Variants in RPS6KA2 observed in about 807,000 individuals in gnomAD.
RPS6KA2 encodes the protein ribosomal protein S6 kinase A2, also known as ribosomal protein S6 kinase alpha-2.
RPS6KA2 carries 42 observed loss-of-function variants against 91.8 expected under a neutral mutation model. The observed-to-expected ratio is 0.46, with a 90% CI of 0.36 to 0.59. The LOEUF (loss-of-function observed/expected upper bound fraction) is 0.59. Among genes scored for constraint, RPS6KA2 ranks in the 20% least tolerant of loss-of-function variants. The pLI is 0.00. For synonymous variants in RPS6KA2, 414 were observed against 393.6 expected (o/e 1.05, Z -0.61); for missense variants, 798 against 978.5 (o/e 0.82, Z 2.46).
intron 16 of RPS6KA2, among the ~76,000 whole-genome samples, chr6:166,425,143 T>C (rs1218369971): frequency 6.6e-6 from 1 of 152,228 alleles, no homozygotes; most frequent in Non-Finnish European, 1.5e-5. Context: ...TGTTCCTAAC[T>C]AGCCCTCATC....
chr6:166,735,042 A>G (rs1390639833), intron 2 of RPS6KA2, among the ~76,000 whole-genome samples: 1 of 152,230 alleles, frequency 6.6e-6, no homozygotes, highest in African/African-American at 2.4e-5. Context: ...TCTGAATTAT[A>G]TCATTCACAA....
At chr6:166,730,900 G>A (rs1341161242) in intron 2 of RPS6KA2, among the ~76,000 whole-genome samples, 1 of 152,116 alleles carries the variant, frequency 6.6e-6, no homozygotes, top group African/African-American at 2.4e-5. Flanking sequence ...TTTGTTAGGT[G>A]CAGGAAAGGC....
At chr6:166,684,570 T>C (rs1788948064) in intron 2 of RPS6KA2, among the ~76,000 whole-genome samples, 1 of 152,144 alleles carries the variant, frequency 6.6e-6, no homozygotes, top group South Asian at 2.1e-4. Flanking sequence ...GGCTCACCTG[T>C]CCTGCATCAC....
At chr6:166,707,291 G>A (rs1280319087) in intron 2 of RPS6KA2, among the ~76,000 whole-genome samples, 1 of 152,240 alleles carries the variant, frequency 6.6e-6, no homozygotes, top group African/African-American at 2.4e-5. Flanking sequence ...CCGGGTTAGA[G>A]CACAGTTCCG....
At chr6:166,436,016 A>G (rs1779288308) in intron 14 of RPS6KA2, among the ~76,000 whole-genome samples, 1 of 152,210 alleles carries the variant, frequency 6.6e-6, no homozygotes, top group South Asian at 2.1e-4. Flanking sequence ...ACTAGAAAAC[A>G]CCAGGCACTC....
intron 2 of RPS6KA2, among the ~76,000 whole-genome samples, chr6:166,661,661 T>C (rs556219013): frequency 6.6e-6 from 1 of 152,280 alleles, no homozygotes; most frequent in South Asian, 2.1e-4. Context: ...CTTATCATTT[T>C]TAAATTTTGA....
chr6:166,710,775 G>A lies in RPS6KA2; in HGVS notation c.123+147425C>T, dbSNP rs114082332. 6.2e-3 allele frequency among the ~76,000 whole-genome samples: 946 copies of A among 152,270 alleles called. 11 individuals carry two copies. Among genetic ancestry groups the A allele is most frequent in the African/African-American group, 0.022 (896 of 41,536 alleles). ...ATAGCTAAGGGCCTCAGGACTTGAGGAGCAAGCTGGTGGAGAATTCCCTGG... is the reference window on the plus strand; with the variant it reads ...ATAGCTAAGGGCCTCAGGACTTGAGAAGCAAGCTGGTGGAGAATTCCCTGG... On this transcript the variant is annotated intron_variant, in intron 2 of 21. Transcript: ENST00000503859.
chr6:166,841,846 T>G (rs10806863), intron 2 of RPS6KA2, among the ~76,000 whole-genome samples: 86,562 of 151,988 alleles, frequency 0.57, 25,795 homozygotes, highest in Middle Eastern at 0.73. Flanking sequence ...ACAGAGGGTC[T>G]GATACAAAAT....
At position 166,626,853 on chromosome 6, in the gene RPS6KA2, G is replaced by A; in HGVS notation, c.99+68C>T. The A allele has an allele frequency of 7.7e-7, 1 of 1,296,330 alleles. No individual in the cohort carries two copies. The highest frequency in any genetic ancestry group is 1.0e-6 in the Non-Finnish European group (1 of 1,001,904). 80.3% of individuals were successfully genotyped at this position (1,296,330 alleles called of 1,614,324 possible). On this transcript the variant is annotated intron_variant, in intron 1 of 20. Coordinates refer to ENST00000265678, the MANE Select transcript of RPS6KA2 (RefSeq NM_021135.6). The surrounding 1 kb of genome is among the most constrained non-coding windows in gnomAD (Gnocchi z 4.1). ...CTCGGGGTCCACCCAGGGGTGGCGA[G>A]GCGGGCTCGGGCGACCACGGCCCGC...
chr6:166,692,768 T>A (rs1371581581), intron 2 of RPS6KA2, among the ~76,000 whole-genome samples: 1 of 152,218 alleles, frequency 6.6e-6, no homozygotes, highest in African/African-American at 2.4e-5. Context: ...AAGTGCTTTT[T>A]AACAAGGTAA....
chr6:166,860,315 A>G (rs1014193529), intron 1 of RPS6KA2, among the ~76,000 whole-genome samples: 1 of 152,224 alleles, frequency 6.6e-6, no homozygotes, highest in Non-Finnish European at 1.5e-5. Context: ...TTTTGCTTCA[A>G]GAGCTATTTA....
chr6:166,679,008 ATAT>A (rs1422887651), intron 2 of RPS6KA2, among the ~76,000 whole-genome samples: 3 of 152,216 alleles, frequency 2.0e-5, no homozygotes, highest in African/African-American at 7.2e-5. Flanking sequence ...TTTACAAGTA[ATAT>A]TAATTCTATA....
In RPS6KA2 at chr6:166,420,326, T is replaced by A. The variant is rs925826243; in HGVS notation, c.1744-368A>T. 2.0e-5 allele frequency among the ~76,000 whole-genome samples: 3 copies of A among 152,192 alleles called. No individual in the cohort carries two copies. The East Asian group carries it at 5.8e-4, about 29-fold the overall frequency. ...AGCAGCATTAAGCCCATTTACATTGTGGTGCCAACATCACCACCATCCATC... is the reference window on the plus strand; with the variant it reads ...AGCAGCATTAAGCCCATTTACATTGAGGTGCCAACATCACCACCATCCATC... On this transcript the variant is annotated intron_variant, in intron 17 of 20. Transcript: ENST00000265678.
chr6:166,589,241 C>T (rs149282586), intron 1 of RPS6KA2, among the ~76,000 whole-genome samples: 141 of 152,338 alleles, frequency 9.3e-4, no homozygotes, highest in African/African-American at 3.2e-3. Context: ...GTGGAGAAAG[C>T]GTCTGCTCAA....
At chr6:166,809,622 T>A (rs61194672) in intron 2 of RPS6KA2, among the ~76,000 whole-genome samples, 6,286 of 152,186 alleles carry the variant, frequency 0.041, 546 homozygotes, top group East Asian at 0.39. Context: ...AAATGCAAAT[T>A]AGAACATCAG....
chr6:166,732,912 A>T lies in RPS6KA2; in HGVS notation c.123+125288T>A, dbSNP rs1455890521. Among the ~76,000 whole-genome samples, 1 of 152,208 alleles carries T rather than the reference A, an allele frequency of 6.6e-6. No homozygotes were observed. ...AAATAAAAGTAAGTCACAACAAAACAAAAGACCTGAAGTGAAGCCTGCTGG... is the reference window on the plus strand; with the variant it reads ...AAATAAAAGTAAGTCACAACAAAACTAAAGACCTGAAGTGAAGCCTGCTGG... On this transcript the variant is annotated intron_variant, in intron 2 of 21. Transcript: ENST00000503859. The surrounding 1 kb of genome is among the most constrained non-coding windows in gnomAD (Gnocchi z 4.0).
At chr6:166,588,747 A>G (rs1349274766) in intron 1 of RPS6KA2, among the ~76,000 whole-genome samples, 2 of 152,202 alleles carry the variant, frequency 1.3e-5, no homozygotes, top group Admixed American at 6.5e-5. Context: ...TGATGGACAC[A>G]GGGTTCCCGG....
chr6:166,822,390 G>A (rs1418433226), intron 2 of RPS6KA2, among the ~76,000 whole-genome samples: 1 of 152,220 alleles, frequency 6.6e-6, no homozygotes, highest in African/African-American at 2.4e-5. Flanking sequence ...GGCTTTGCTT[G>A]CGCAGAGAGA....
intron 2 of RPS6KA2, among the ~76,000 whole-genome samples, chr6:166,803,758 C>A (rs1314993890): frequency 1.3e-5 from 2 of 152,190 alleles, no homozygotes; most frequent in Non-Finnish European, 2.9e-5. Flanking sequence ...GACTGGGAAG[C>A]ACGAGATGTT....
Sources: gnomAD v4.1 joint callset for allele counts (sites outside exome capture counted in the v4.1 genomes callset) on GRCh38, gnomAD v4.1.1 for gene constraint, Gnocchi (gnomAD v3.1) non-coding constraint, MANE v1.5 for transcripts, NCBI Gene and HGNC (gene_info 2026-07-23, HGNC 2026-07-21) for gene names.